Variants in NKAIN2 observed in about 807,000 individuals in gnomAD.
NKAIN2 encodes sodium/potassium transporting ATPase interacting 2.
Under a neutral mutation model 32.6 loss-of-function variants are expected in NKAIN2, and 14 were observed. The ratio of observed to expected loss-of-function variants is 0.43; its 90% CI spans 0.28 to 0.67. The LOEUF (loss-of-function observed/expected upper bound fraction) is 0.67, where lower values mean the gene tolerates loss of function less well. Among genes scored for constraint, NKAIN2 ranks in the 30% least tolerant of loss-of-function variants. The probability of loss-of-function intolerance (pLI) is 0.17; values close to 1 mark genes in which losing one functional copy is unlikely to be tolerated. For missense variants in NKAIN2, 198 were observed against 258.3 expected (o/e 0.77, Z 1.60); for synonymous variants, 80 against 87.2 (o/e 0.92, Z 0.46).
chr6:124,268,099 G>A (rs1449403163), intron 1 of NKAIN2, among the ~76,000 whole-genome samples: 1 of 152,018 alleles, frequency 6.6e-6, no homozygotes, highest in East Asian at 1.9e-4. Context: ...GTAATAACAA[G>A]TAAAATTGAT....
intron 1 of NKAIN2, among the ~76,000 whole-genome samples, chr6:124,045,001 G>T (rs2114818753): frequency 6.6e-6 from 1 of 152,018 alleles, no homozygotes; most frequent in South Asian, 2.1e-4. Flanking sequence ...TGATATTTTG[G>T]AAGAGTAGAA....
intron 1 of NKAIN2, among the ~76,000 whole-genome samples, chr6:124,243,476 C>T (rs1370700321): frequency 6.8e-6 from 1 of 148,106 alleles, no homozygotes; most frequent in African/African-American, 2.5e-5. Context: ...GCCTGGGTGA[C>T]AGAACAAGAC....
At chr6:124,549,988 A>G (rs1026960773) in intron 3 of NKAIN2, among the ~76,000 whole-genome samples, 11 of 152,328 alleles carry the variant, frequency 7.2e-5, no homozygotes, top group African/African-American at 2.4e-4. Flanking sequence ...CTTTGAGACC[A>G]CGCAAGTTTC....
chr6:124,790,057 ACTG>A (rs1225995070), intron 4 of NKAIN2, among the ~76,000 whole-genome samples: 1 of 152,002 alleles, frequency 6.6e-6, no homozygotes, highest in Non-Finnish European at 1.5e-5. Flanking sequence ...CAGTGTGGGC[ACTG>A]CTGCTTCCTG....
intron 3 of NKAIN2, among the ~76,000 whole-genome samples, chr6:124,414,959 T>C (rs931598603): frequency 2.0e-5 from 3 of 149,200 alleles, no homozygotes; most frequent in Non-Finnish European, 3.0e-5. Context: ...AAGAATCATC[T>C]TGAGGTTTTG....
intron 3 of NKAIN2, among the ~76,000 whole-genome samples, chr6:124,653,622 A>G (rs997417672): frequency 6.6e-6 from 1 of 152,116 alleles, no homozygotes; most frequent in Non-Finnish European, 1.5e-5. Context: ...ATATGACACC[A>G]AAGGCATGAT....
At chr6:124,322,181 G>A (rs1425228882) in intron 2 of NKAIN2, among the ~76,000 whole-genome samples, 1 of 152,070 alleles carries the variant, frequency 6.6e-6, no homozygotes, top group Non-Finnish European at 1.5e-5. Context: ...AGATGAAAAT[G>A]TTTATTTAAT....
At chr6:123,817,212 T>C (rs1207637554) in intron 1 of NKAIN2, among the ~76,000 whole-genome samples, 1 of 152,146 alleles carries the variant, frequency 6.6e-6, no homozygotes, top group Non-Finnish European at 1.5e-5. Context: ...GCAAAGCATT[T>C]TTCTCAATGT....
At chr6:124,323,858 G>A (rs1300008971) in intron 2 of NKAIN2, among the ~76,000 whole-genome samples, 3 of 146,922 alleles carry the variant, frequency 2.0e-5, no homozygotes, top group African/African-American at 7.7e-5. Flanking sequence ...CACAATCTCG[G>A]CTCACTGCAA....
chr6:124,564,138 G>T (rs1780809124), intron 3 of NKAIN2, among the ~76,000 whole-genome samples: 2 of 152,242 alleles, frequency 1.3e-5, no homozygotes, highest in Admixed American at 1.3e-4. Context: ...GGACTTCCTG[G>T]GTGGAGTGGG....
chr6:124,517,541 C>T (rs990465942), intron 3 of NKAIN2, among the ~76,000 whole-genome samples: 22 of 152,036 alleles, frequency 1.4e-4, no homozygotes, highest in African/African-American at 5.1e-4. Flanking sequence ...AGACACAGAC[C>T]CTTCGAGGCA....
At chr6:124,770,816 A>G (rs946267199) in intron 4 of NKAIN2, among the ~76,000 whole-genome samples, 9 of 152,062 alleles carry the variant, frequency 5.9e-5, no homozygotes, top group Admixed American at 1.3e-4. Context: ...CTTGTTTTCT[A>G]TCTGCTGCCC....
At chr6:124,764,325 G>A (rs973914141) in intron 4 of NKAIN2, among the ~76,000 whole-genome samples, 2 of 151,934 alleles carry the variant, frequency 1.3e-5, no homozygotes, top group African/African-American at 2.4e-5. Context: ...AATTATGGGG[G>A]TTATCAAACC....
chr6:124,044,449 G>GA (rs1782026817), intron 1 of NKAIN2, among the ~76,000 whole-genome samples: 3 of 152,040 alleles, frequency 2.0e-5, no homozygotes, highest in Admixed American at 2.0e-4. Flanking sequence ...ACTACCCTAT[G>GA]AAGTAGTTCT....
intron 3 of NKAIN2, among the ~76,000 whole-genome samples, chr6:124,403,279 C>A (rs1488257124): frequency 2.0e-5 from 3 of 150,526 alleles, no homozygotes; most frequent in African/African-American, 7.5e-5. Flanking sequence ...TAAATTATTT[C>A]TATATAGAGA....
chr6:124,225,207 T>A (rs1792042917), intron 1 of NKAIN2, among the ~76,000 whole-genome samples: 1 of 152,088 alleles, frequency 6.6e-6, no homozygotes, highest in African/African-American at 2.4e-5. Flanking sequence ...AATTAATGCT[T>A]CCACAGAAAA....
At chr6:124,011,421 A>G (rs755054311) in intron 1 of NKAIN2, among the ~76,000 whole-genome samples, 1 of 150,790 alleles carries the variant, frequency 6.6e-6, no homozygotes, top group Non-Finnish European at 1.5e-5. Flanking sequence ...TTAGCCTGAG[A>G]CGCATTTCCA....
chr6:124,528,636 A>G (rs146537781), intron 3 of NKAIN2, among the ~76,000 whole-genome samples: 4 of 152,340 alleles, frequency 2.6e-5, no homozygotes, highest in Non-Finnish European at 5.9e-5. Context: ...AGCAATATGA[A>G]ACTATCTAAT....
chr6:124,335,336 G>C (rs190715329), intron 2 of NKAIN2, among the ~76,000 whole-genome samples: 3 of 152,162 alleles, frequency 2.0e-5, no homozygotes, highest in Non-Finnish European at 4.4e-5. Context: ...GAGAGAGATT[G>C]ATTGACCTGT....
Sources: gnomAD v4.1 joint callset for allele counts (sites outside exome capture counted in the v4.1 genomes callset) on GRCh38, gnomAD v4.1.1 for gene constraint, MANE v1.5 for transcripts, NCBI Gene and HGNC (gene_info 2026-07-23, HGNC 2026-07-21) for gene names.